The following LSAMP variants were observed in gnomAD, a reference collection of about 807,000 sequenced individuals.
The protein encoded by LSAMP is limbic system associated membrane protein.
LSAMP carries 7 observed loss-of-function variants against 38.6 expected under a neutral mutation model. The observed-to-expected ratio is 0.18, with a 90% CI of 0.10 to 0.34. The LOEUF is 0.34. LSAMP is among the 10% of genes least tolerant of loss of function. The pLI is 1.00. For missense variants in LSAMP, 313 were observed against 420.0 expected (o/e 0.75, Z 2.23); for synonymous variants, 154 against 166.8 (o/e 0.92, Z 0.59).
intron 1 of LSAMP, among the ~76,000 whole-genome samples, chr3:116,112,341 G>A (rs542200642): frequency 5.3e-5 from 8 of 152,250 alleles, no homozygotes; most frequent in Non-Finnish European, 2.9e-5. Context: ...GGCAGGAGGG[G>A]AGAGAACAGA....
At chr3:115,918,840 G>T (rs1937316748) in intron 3 of LSAMP, among the ~76,000 whole-genome samples, 1 of 151,412 alleles carries the variant, frequency 6.6e-6, no homozygotes, top group Admixed American at 6.6e-5. Context: ...CATTTATGTA[G>T]CGTTTTCTGT....
At chr3:115,853,502 T>C (rs1576150008) in intron 3 of LSAMP, among the ~76,000 whole-genome samples, 1 of 152,234 alleles carries the variant, frequency 6.6e-6, no homozygotes, top group Non-Finnish European at 1.5e-5. Flanking sequence ...AAATCTCAAC[T>C]TAAGAAACCT....
intron 2 of LSAMP, among the ~76,000 whole-genome samples, chr3:116,040,929 A>G (rs780552664): frequency 6.6e-5 from 10 of 151,846 alleles, no homozygotes; most frequent in Non-Finnish European, 1.3e-4. Context: ...GTATTTATTT[A>G]TTTACTTTTT....
At chr3:116,101,616 C>T (rs1282368141) in intron 1 of LSAMP, among the ~76,000 whole-genome samples, 1 of 152,066 alleles carries the variant, frequency 6.6e-6, no homozygotes, top group Non-Finnish European at 1.5e-5. Flanking sequence ...TCTAGTCATC[C>T]TATCTTGGTA....
chr3:116,111,331 G>T (rs1246352985), intron 1 of LSAMP, among the ~76,000 whole-genome samples: 2 of 152,164 alleles, frequency 1.3e-5, no homozygotes, highest in East Asian at 3.9e-4. Flanking sequence ...AGGACAGGTA[G>T]TAAATATCTT....
Position 116,073,288 on chromosome 3 carries a change from G to A in LSAMP, c.388+13036C>T, listed in dbSNP as rs536141539. On this transcript the variant is annotated intron_variant, in intron 2 of 6. Transcript: ENST00000490035. ...ATGTGTCTGTTTTTGTACCATTACC[G>A]TGCTGTTGTTGTTACTGTGGCTTTG... Among the ~76,000 whole-genome samples the A allele has an allele frequency of 2.6e-4, 39 of 152,118 alleles. No homozygotes were observed. In the South Asian group the frequency reaches 6.2e-3, roughly 24 times the overall value.
intron 1 of LSAMP, among the ~76,000 whole-genome samples, chr3:116,091,623 G>A (rs1576357269): frequency 2.0e-5 from 3 of 152,180 alleles, no homozygotes; most frequent in Admixed American, 2.0e-4. Flanking sequence ...CGGTCCCTCC[G>A]TTTGGGGTCC....
At chr3:116,271,218 A>G (rs1270356983) in intron 1 of LSAMP, among the ~76,000 whole-genome samples, 2 of 152,068 alleles carry the variant, frequency 1.3e-5, no homozygotes, top group Admixed American at 1.3e-4. Flanking sequence ...GTATCATGCT[A>G]CCATTACTGT....
Position 115,804,070 on chromosome 3 carries a change from T to G in LSAMP, c.*6247A>C, listed in dbSNP as rs1443528820. On this transcript the variant is annotated 3_prime_UTR_variant, in exon 7 of 7. Transcript: ENST00000490035. Reference sequence around the variant, plus strand: ...GCTATGTCAATGTCCTTAGTGTAATTTGAATGTGTCCCTTCTCTACACTGC... The same window carrying G: ...GCTATGTCAATGTCCTTAGTGTAATGTGAATGTGTCCCTTCTCTACACTGC... 6.6e-6 allele frequency: 1 copy of G among 152,196 alleles called. No individual in the cohort carries two copies. Among genetic ancestry groups the G allele is most frequent in the Non-Finnish European group, 1.5e-5 (1 of 68,024 alleles). 9.4% of individuals were successfully genotyped at this position (152,196 alleles called of 1,614,324 possible).
chr3:116,138,423 CA>C (rs1228126609), intron 1 of LSAMP, among the ~76,000 whole-genome samples: 1 of 152,034 alleles, frequency 6.6e-6, no homozygotes, highest in Non-Finnish European at 1.5e-5. Context: ...AGTAGAAATA[CA>C]ATTTTTATAA....
intron 2 of LSAMP, among the ~76,000 whole-genome samples, chr3:116,026,864 T>C (rs1940803157): frequency 6.6e-6 from 1 of 152,128 alleles, no homozygotes; most frequent in African/African-American, 2.4e-5. Context: ...ACAAGCATAG[T>C]TTTGAAAAGT....
intron 1 of LSAMP, among the ~76,000 whole-genome samples, chr3:116,397,389 C>A (rs1317350327): frequency 7.4e-6 from 1 of 135,808 alleles, no homozygotes; most frequent in Admixed American, 7.5e-5. Context: ...AATACCCGCC[C>A]CCCCCCCACA....
At chr3:116,266,698 A>G (rs1291260970) in intron 1 of LSAMP, among the ~76,000 whole-genome samples, 4 of 152,154 alleles carry the variant, frequency 2.6e-5, no homozygotes, top group Non-Finnish European at 4.4e-5. Flanking sequence ...CATTTCATGC[A>G]GAAACAGAGG....
chr3:115,933,437 GA>G (rs1204582614), intron 3 of LSAMP, among the ~76,000 whole-genome samples: 2 of 151,970 alleles, frequency 1.3e-5, no homozygotes, highest in Admixed American at 6.6e-5. Context: ...GAATAAAGAA[GA>G]AAAAAATCAA....
chr3:115,927,235 A>G (rs1937513785), intron 3 of LSAMP, among the ~76,000 whole-genome samples: 1 of 152,194 alleles, frequency 6.6e-6, no homozygotes, highest in South Asian at 2.1e-4. Flanking sequence ...GGCATGGTGA[A>G]AAAAGAAGAT....
chr3:115,890,034 A>T (rs1936556162), intron 3 of LSAMP, among the ~76,000 whole-genome samples: 1 of 151,958 alleles, frequency 6.6e-6, no homozygotes, highest in African/African-American at 2.4e-5. Context: ...TAAACAAATA[A>T]AAAACTCAAT....
chr3:116,183,482 T>C (rs759465063), intron 1 of LSAMP, among the ~76,000 whole-genome samples: 61 of 151,794 alleles, frequency 4.0e-4, no homozygotes, highest in Non-Finnish European at 6.2e-4. Context: ...TTAGAGCATA[T>C]GGGCCCTTGA....
At chr3:115,949,800 T>C (rs1403899754) in intron 3 of LSAMP, among the ~76,000 whole-genome samples, 1 of 151,026 alleles carries the variant, frequency 6.6e-6, no homozygotes, top group African/African-American at 2.4e-5. Context: ...AAAAGAAAAC[T>C]ACAGATCAGT....
At chr3:115,967,322 T>C (rs1363105451) in intron 3 of LSAMP, among the ~76,000 whole-genome samples, 1 of 152,186 alleles carries the variant, frequency 6.6e-6, no homozygotes, top group African/African-American at 2.4e-5. Context: ...ATTGCACCAG[T>C]TCCCAAGAAG....
Sources: allele counts gnomAD v4.1 joint callset (sites outside exome capture counted in the v4.1 genomes callset), GRCh38; gene constraint gnomAD v4.1.1; transcripts MANE v1.5; gene names NCBI Gene and HGNC (gene_info 2026-07-23, HGNC 2026-07-21).